KCNAB1: variants seen among roughly 807,000 people sequenced by gnomAD.
KCNAB1 encodes the protein potassium voltage-gated channel subfamily A regulatory beta subunit 1.
In KCNAB1, 35 loss-of-function variants were observed where a neutral mutation model predicts 64.6. The ratio of observed to expected loss-of-function variants is 0.54; its 90% CI spans 0.41 to 0.72. The LOEUF (loss-of-function observed/expected upper bound fraction) is 0.72, where lower values mean the gene tolerates loss of function less well. KCNAB1 is among the 30% of genes least tolerant of loss of function. The pLI is 0.00. For missense variants in KCNAB1, 401 were observed against 512.9 expected (o/e 0.78, Z 2.11); for synonymous variants, 177 against 183.8 (o/e 0.96, Z 0.30).
intron 1 of KCNAB1, among the ~76,000 whole-genome samples, chr3:156,305,111 A>C (rs1447997636): frequency 1.3e-5 from 2 of 152,018 alleles, no homozygotes; most frequent in Non-Finnish European, 2.9e-5. Flanking sequence ...AATCTTTTTC[A>C]AGAGTTTCAG....
intron 11 of KCNAB1, among the ~76,000 whole-genome samples, chr3:156,523,203 T>C (rs1718071508): frequency 1.3e-5 from 2 of 152,202 alleles, no homozygotes. Context: ...GTAATAACAT[T>C]TGCAAAGTCT....
chr3:156,213,422 C>G (rs1409934410), intron 1 of KCNAB1, among the ~76,000 whole-genome samples: 2 of 152,130 alleles, frequency 1.3e-5, no homozygotes, highest in Non-Finnish European at 2.9e-5. Flanking sequence ...CTATGTTGAC[C>G]AGGCTGGTCT....
At chr3:156,181,919 T>C (rs1007412315) in intron 1 of KCNAB1, among the ~76,000 whole-genome samples, 1 of 152,108 alleles carries the variant, frequency 6.6e-6, no homozygotes. Context: ...GGGAGTGACA[T>C]TGGAGTATAT....
At chr3:156,293,329 A>T (rs763336617) in intron 1 of KCNAB1, among the ~76,000 whole-genome samples, 13 of 152,196 alleles carry the variant, frequency 8.5e-5, no homozygotes, top group Non-Finnish European at 1.9e-4. Flanking sequence ...TGCAGATATG[A>T]TTTTGTTAAT....
At chr3:156,279,789 C>T (rs1485365026) in intron 1 of KCNAB1, among the ~76,000 whole-genome samples, 1 of 152,088 alleles carries the variant, frequency 6.6e-6, no homozygotes, top group Non-Finnish European at 1.5e-5. Context: ...CTGTTCATAT[C>T]CTTTGCCCAC....
chr3:156,313,676 T>G lies in KCNAB1; in HGVS notation c.276-107940T>G, dbSNP rs80301937. Among the ~76,000 whole-genome samples the G allele has an allele frequency of 3.0e-3, 464 of 152,330 alleles. 5 individuals carry two copies. The highest frequency in any genetic ancestry group is 0.011 in the African/African-American group (448 of 41,570). ...AATCAACCCCGTCTGCATCTTGACT[T>G]TAGCAAGTCAAGACTTGACTGAGTT... On this transcript the variant is annotated intron_variant, in intron 1 of 13. Coordinates refer to ENST00000490337, the MANE Select transcript of KCNAB1 (RefSeq NM_172160.3).
intron 1 of KCNAB1, among the ~76,000 whole-genome samples, chr3:156,402,773 A>C (rs1400651941): frequency 6.6e-6 from 1 of 152,198 alleles, no homozygotes; most frequent in Non-Finnish European, 1.5e-5. Context: ...GAAACTAATC[A>C]CTGTTGAAGG....
At chr3:156,357,118 C>G (rs1725293753) in intron 1 of KCNAB1, among the ~76,000 whole-genome samples, 2 of 150,150 alleles carry the variant, frequency 1.3e-5, no homozygotes, top group Non-Finnish European at 3.0e-5. Context: ...ACCACACATT[C>G]TCTCTCTCTC....
chr3:156,370,007 A>G (rs1726195593), intron 1 of KCNAB1, among the ~76,000 whole-genome samples: 1 of 152,248 alleles, frequency 6.6e-6, no homozygotes, highest in African/African-American at 2.4e-5. Flanking sequence ...ACTAAATTTC[A>G]TGCACAATAA....
At chr3:156,380,789 T>C (rs1281438912) in intron 1 of KCNAB1, among the ~76,000 whole-genome samples, 2 of 152,178 alleles carry the variant, frequency 1.3e-5, no homozygotes, top group African/African-American at 4.8e-5. Context: ...TTACATAAGA[T>C]GCTAAAGGCA....
rs73164735 is a variant in KCNAB1, at chr3:156,403,022, A to G, written c.276-18594A>G. 8.4e-3 allele frequency among the ~76,000 whole-genome samples: 1,285 copies of G among 152,316 alleles called. 7 individuals are homozygous for G. Among genetic ancestry groups the G allele is most frequent in the Non-Finnish European group, 0.013 (908 of 68,032 alleles). ...CCGAGCTCTGAAGATATAAATACAG[A>G]TGGGATAACATTTACCTCTACTACT... On this transcript the variant is annotated intron_variant, in intron 1 of 13. Coordinates refer to ENST00000490337, the MANE Select transcript of KCNAB1 (RefSeq NM_172160.3).
intron 8 of KCNAB1, among the ~76,000 whole-genome samples, chr3:156,491,873 C>T (rs551802033): frequency 6.6e-6 from 1 of 152,118 alleles, no homozygotes; most frequent in Non-Finnish European, 1.5e-5. Context: ...ATAAAAAGAA[C>T]AGAACCAGAT....
chr3:156,439,684 AT>A (rs1453010100), intron 2 of KCNAB1, among the ~76,000 whole-genome samples: 1 of 152,218 alleles, frequency 6.6e-6, no homozygotes, highest in Non-Finnish European at 1.5e-5. Context: ...ATAATGAAAA[AT>A]GGAGCATCAC....
At chr3:156,506,931 T>C (rs1380518722) in intron 8 of KCNAB1, among the ~76,000 whole-genome samples, 3 of 152,194 alleles carry the variant, frequency 2.0e-5, no homozygotes, top group African/African-American at 7.2e-5. Context: ...TTTATACTCA[T>C]CATGAACTAT....
At chr3:156,435,125 T>C (rs940759592) in intron 2 of KCNAB1, among the ~76,000 whole-genome samples, 4 of 152,136 alleles carry the variant, frequency 2.6e-5, no homozygotes, top group East Asian at 1.9e-4. Flanking sequence ...TTCCATACCA[T>C]AGAGAGTCAT....
At chr3:156,220,093 AC>A (rs1219527692) in intron 1 of KCNAB1, among the ~76,000 whole-genome samples, 5 of 152,282 alleles carry the variant, frequency 3.3e-5, no homozygotes, top group Non-Finnish European at 7.4e-5. Context: ...TATATGTGCC[AC>A]ATTTTCTTTA....
Position 156,354,714 on chromosome 3 carries a change from T to C in KCNAB1, c.276-66902T>C, listed in dbSNP as rs112048980. Reference sequence around the variant, plus strand: ...CACCAGTCCTGCTTAATCAAGTGTATCTCCCCTCCAAAAAAAAAAAAAAAA... The same window carrying C: ...CACCAGTCCTGCTTAATCAAGTGTACCTCCCCTCCAAAAAAAAAAAAAAAA... On this transcript the variant is annotated intron_variant, in intron 1 of 13. Coordinates refer to ENST00000490337, the MANE Select transcript of KCNAB1 (RefSeq NM_172160.3). Among the ~76,000 whole-genome samples, 143 of 101,192 alleles carry C rather than the reference T, an allele frequency of 1.4e-3. 1 individual carries two copies. The highest frequency in any genetic ancestry group is 6.9e-3 in the African/African-American group (140 of 20,226). 66.4% of individuals were successfully genotyped at this position (101,192 alleles called of 152,430 possible).
chr3:156,156,032 C>T (rs549804056), intron 1 of KCNAB1, among the ~76,000 whole-genome samples: 5 of 152,236 alleles, frequency 3.3e-5, no homozygotes, highest in African/African-American at 1.2e-4. Context: ...ACACGGCTGA[C>T]TACCTGTGTG....
At chr3:156,217,796 T>C (rs1444164144) in intron 1 of KCNAB1, among the ~76,000 whole-genome samples, 1 of 151,928 alleles carries the variant, frequency 6.6e-6, no homozygotes, top group Admixed American at 6.6e-5. Flanking sequence ...CAACAGGGAG[T>C]TGTGTACCTC....
Sources: allele counts gnomAD v4.1 joint callset (sites outside exome capture counted in the v4.1 genomes callset), GRCh38; gene constraint gnomAD v4.1.1; transcripts MANE v1.5; gene names NCBI Gene and HGNC (gene_info 2026-07-23, HGNC 2026-07-21).